SHISAL2A: variants seen among roughly 807,000 people sequenced by gnomAD.
The protein encoded by SHISAL2A is shisa like 2A, also known as protein shisa-like-2A.
In SHISAL2A, 18 loss-of-function variants were observed where a neutral mutation model predicts 11.5. That is an observed-to-expected ratio of 1.57 (90% CI 1.08 to 2.33). SHISAL2A has a LOEUF of 2.33. Ranked by LOEUF, SHISAL2A falls within the 30% of genes most tolerant of loss-of-function variation. The pLI, the probability that SHISAL2A is intolerant of heterozygous loss-of-function variation, is 0.00. For synonymous variants in SHISAL2A, 94 were observed against 99.6 expected, an observed-to-expected ratio of 0.94 and a Z score of 0.34; for missense variants, 261 against 250.9, an observed-to-expected ratio of 1.04 and a Z score of -0.27.
At chr1:52,643,878 A>AAG (rs755482602) in intron 2 of SHISAL2A, among the ~76,000 whole-genome samples, 9 of 143,346 alleles carry the variant, frequency 6.3e-5, no homozygotes, top group South Asian at 2.5e-4. Context: ...GAAAGAGAGA[A>AAG]AGAGAGAGAG....
chr1:52,647,635 C>T (rs551142917), intron 2 of SHISAL2A, among the ~76,000 whole-genome samples: 1 of 152,124 alleles, frequency 6.6e-6, no homozygotes, highest in East Asian at 1.9e-4. Context: ...CACTTGAGGT[C>T]AGAAGTTCGA....
chr1:52,643,016 C>T lies in SHISAL2A; in HGVS notation c.322+14C>T. On this transcript the variant is annotated intron_variant, in intron 2 of 2. Transcript: ENST00000517870. ...TACAGACAGCAGGTAAGGAAGTTGC[C>T]AGGTGATGTCCTTGTATTCGGTAGA... 6 of 1,613,650 alleles carry T rather than the reference C, an allele frequency of 3.7e-6. No individual in the cohort carries two copies. Among genetic ancestry groups the T allele is most frequent in the Non-Finnish European group, 5.1e-6 (6 of 1,179,734 alleles).
chr1:52,660,845 T>A (rs953452921), downstream of SHISAL2A, among the ~76,000 whole-genome samples: 1 of 152,180 alleles, frequency 6.6e-6, no homozygotes, highest in African/African-American at 2.4e-5. Flanking sequence ...GAGGTCCCGA[T>A]CCCTATCTTC....
rs1691171674 is a variant in SHISAL2A at position 52,633,484 on chromosome 1, G to A, written c.-10G>A. 1 of 1,486,188 alleles carries A rather than the reference G, an allele frequency of 6.7e-7. No homozygotes were observed. Among genetic ancestry groups the A allele is most frequent in the Non-Finnish European group, 8.9e-7 (1 of 1,124,952 alleles). The allele number at this position is 1,486,188 out of a possible 1,614,324, so 92.1% of individuals were successfully genotyped here. A position where few individuals can be genotyped will look rare whatever the true frequency, so the allele number is the denominator to read the frequency against. ...GGCCCGAGGTGGCGGCGGGCTGGGCGCGGGGCGCGATGAGCGGCGCCTGCA... is the reference window on the plus strand; with the variant it reads ...GGCCCGAGGTGGCGGCGGGCTGGGCACGGGGCGCGATGAGCGGCGCCTGCA... On this transcript the variant is annotated 5_prime_UTR_variant, in exon 1 of 3. Coordinates refer to ENST00000517870, the MANE Select transcript of SHISAL2A (RefSeq NM_001042693.3). This position sits in a 1 kb window ranked among gnomAD's most constrained non-coding sequence, Gnocchi z 6.4.
intron 2 of SHISAL2A, 118 bp downstream of exon 2, chr1:52,643,120 G>A: frequency 1.0e-6 from 1 of 972,760 alleles, no homozygotes; most frequent in East Asian, 2.5e-5. Context: ...GGAATATGCA[G>A]AAGCAGCGGC....
At chr1:52,658,634 A>G (rs1691844894), downstream of SHISAL2A, among the ~76,000 whole-genome samples, 2 of 152,340 alleles carry the variant, frequency 1.3e-5, no homozygotes, top group South Asian at 4.1e-4. Context: ...GGAAAGCACT[A>G]TGTGTTAGCT....
At chr1:52,650,451 C>G (rs999012674) in intron 2 of SHISAL2A, among the ~76,000 whole-genome samples, 1 of 152,110 alleles carries the variant, frequency 6.6e-6, no homozygotes, top group African/African-American at 2.4e-5. Context: ...TCAATTTACT[C>G]TAAAATGTGT....
rs78341224 is a variant in SHISAL2A at position 52,638,746 on chromosome 1, C to T, written c.183-4117C>T. Among the ~76,000 whole-genome samples, 360 of 152,344 alleles carry T rather than the reference C, an allele frequency of 2.4e-3. 4 individuals are homozygous for T. Among genetic ancestry groups the T allele is most frequent in the African/African-American group, 7.7e-3 (319 of 41,588 alleles). On this transcript the variant is annotated intron_variant, in intron 1 of 2. Coordinates refer to ENST00000517870, the MANE Select transcript of SHISAL2A (RefSeq NM_001042693.3). ...TACTCCTCAGGGTTATCCCACCTGA[C>T]GGCCAGGAAGCTGGATATTTAGCTA...
intron 4 of SHISAL2A, among the ~76,000 whole-genome samples, chr1:52,662,679 A>G (rs1462747304): frequency 6.6e-6 from 1 of 151,824 alleles, no homozygotes; most frequent in Non-Finnish European, 1.5e-5. Flanking sequence ...AGTACCCCTT[A>G]GGGCTCCAAG....
At chr1:52,656,016 A>G (rs1300293636) in intron 2 of SHISAL2A, among the ~76,000 whole-genome samples, 1 of 152,246 alleles carries the variant, frequency 6.6e-6, no homozygotes, top group African/African-American at 2.4e-5. Context: ...GGGCCGAGGT[A>G]GAAGGTGTGA....
intron 4 of SHISAL2A, among the ~76,000 whole-genome samples, chr1:52,662,647 C>G (rs1342954073): frequency 2.6e-5 from 4 of 151,838 alleles, no homozygotes; most frequent in Non-Finnish European, 4.4e-5. Flanking sequence ...TACCGCCCCC[C>G]CACCCTTTCT....
downstream of SHISAL2A, among the ~76,000 whole-genome samples, chr1:52,661,448 A>G (rs939123137): frequency 5.9e-5 from 9 of 152,140 alleles, no homozygotes; most frequent in Non-Finnish European, 1.3e-4. Flanking sequence ...TGCCTGACTG[A>G]CTCATGACAC....
chr1:52,644,506 C>T (rs1558087793), intron 2 of SHISAL2A, among the ~76,000 whole-genome samples: 1 of 151,794 alleles, frequency 6.6e-6, no homozygotes, highest in East Asian at 1.9e-4. Flanking sequence ...AGGTGGATCA[C>T]CTGAGGTCAG....
intron 2 of SHISAL2A, among the ~76,000 whole-genome samples, chr1:52,655,194 A>G (rs1192549642): frequency 6.6e-6 from 1 of 151,816 alleles, no homozygotes; most frequent in Non-Finnish European, 1.5e-5. Context: ...ATAAATGAAT[A>G]AATAAATAAA....
In SHISAL2A at chr1:52,633,687, G is replaced by A; in HGVS notation, c.182+12G>A. ...ATGTGGTGGCTCAGGTACCGTCCCT[G>A]GCCCTCACCCTACCTTGAACCCCAC... is the stretch of plus-strand genomic sequence containing the variant. On this transcript the variant is annotated intron_variant, in intron 1 of 2. Transcript: ENST00000517870. This position sits in a 1 kb window ranked among gnomAD's most constrained non-coding sequence, Gnocchi z 6.4. The A allele has an allele frequency of 6.3e-7, 1 of 1,593,574 alleles. No homozygotes were observed. Among genetic ancestry groups the A allele is most frequent in the South Asian group, 1.1e-5 (1 of 89,138 alleles).
At position 52,633,691 on chromosome 1, in the gene SHISAL2A, C is replaced by G; in HGVS notation, c.182+16C>G. On this transcript the variant is annotated intron_variant, in intron 1 of 2. Transcript: ENST00000517870. This position sits in a 1 kb window ranked among gnomAD's most constrained non-coding sequence, Gnocchi z 6.4. Reference sequence around the variant, plus strand: ...GGTGGCTCAGGTACCGTCCCTGGCCCTCACCCTACCTTGAACCCCACTCCA... The same window carrying G: ...GGTGGCTCAGGTACCGTCCCTGGCCGTCACCCTACCTTGAACCCCACTCCA... 1 of 1,590,410 alleles carries G rather than the reference C, an allele frequency of 6.3e-7. No individual in the cohort carries two copies. Among genetic ancestry groups the G allele is most frequent in the Non-Finnish European group, 8.6e-7 (1 of 1,168,332 alleles).
At chr1:52,654,274 T>C (rs796547174) in intron 2 of SHISAL2A, among the ~76,000 whole-genome samples, 3 of 136,802 alleles carry the variant, frequency 2.2e-5, no homozygotes, top group East Asian at 2.2e-4. Context: ...GATAGATAGA[T>C]AGATAGATAA....
At chr1:52,651,437 A>T (rs1008716096) in intron 2 of SHISAL2A, among the ~76,000 whole-genome samples, 1 of 151,996 alleles carries the variant, frequency 6.6e-6, no homozygotes, top group South Asian at 2.1e-4. Context: ...GGGTTTCACC[A>T]TCTTGGCCAG....
At chr1:52,643,265 AGAT>A (rs1368498506) in intron 2 of SHISAL2A, among the ~76,000 whole-genome samples, 1 of 152,230 alleles carries the variant, frequency 6.6e-6, no homozygotes, top group African/African-American at 2.4e-5. Context: ...GGATTGTTTA[AGAT>A]GATGTTTTAA....
Sources: allele counts gnomAD v4.1 joint callset (sites outside exome capture counted in the v4.1 genomes callset), GRCh38; gene constraint gnomAD v4.1.1; non-coding constraint Gnocchi (gnomAD v3.1); transcripts MANE v1.5; gene names NCBI Gene and HGNC (gene_info 2026-07-23, HGNC 2026-07-21).